Variants in TMEM132C observed in about 807,000 individuals in gnomAD.
TMEM132C encodes the protein protein phosphatase 1, regulatory subunit 152.
TMEM132C carries 29 observed loss-of-function variants against 61.4 expected under a neutral mutation model. The ratio of observed to expected loss-of-function variants is 0.47; its 90% CI spans 0.35 to 0.64. TMEM132C has a LOEUF of 0.64. Among genes scored for constraint, TMEM132C ranks in the 30% least tolerant of loss-of-function variants. The probability of loss-of-function intolerance (pLI) is 0.00; values close to 1 mark genes in which losing one functional copy is unlikely to be tolerated. For missense variants in TMEM132C, 1,408 were observed against 1,476.9 expected (o/e 0.95, Z 0.76); for synonymous variants, 656 against 633.1 (o/e 1.04, Z -0.54).
At chr12:128,517,225 C>T (rs1390022675) in intron 2 of TMEM132C, among the ~76,000 whole-genome samples, 5 of 138,044 alleles carry the variant, frequency 3.6e-5, no homozygotes, top group South Asian at 2.4e-4. Flanking sequence ...AGCAAGACTC[C>T]GTCTCAACAA....
intron 1 of TMEM132C, among the ~76,000 whole-genome samples, chr12:128,284,063 G>T (rs1870981046): frequency 6.6e-6 from 1 of 152,194 alleles, no homozygotes; most frequent in Non-Finnish European, 1.5e-5. Context: ...TCTACCTCAG[G>T]ATACCCATTT....
At chr12:128,701,433 A>G (rs1311327593) in intron 8 of TMEM132C, among the ~76,000 whole-genome samples, 1 of 152,172 alleles carries the variant, frequency 6.6e-6, no homozygotes, top group Non-Finnish European at 1.5e-5. Context: ...ACCTGCCTTC[A>G]CACACAGCAG....
intron 1 of TMEM132C, among the ~76,000 whole-genome samples, chr12:128,305,322 G>C (rs7132483): frequency 0.85 from 129,533 of 151,970 alleles, 55,736 homozygotes; most frequent in South Asian, 0.95. Flanking sequence ...GTCTGAAGAG[G>C]GAGAGTTTTA....
At chr12:128,355,142 C>A (rs1000398141) in intron 1 of TMEM132C, among the ~76,000 whole-genome samples, 2 of 152,150 alleles carry the variant, frequency 1.3e-5, no homozygotes, top group Non-Finnish European at 2.9e-5. Context: ...ACATTTTAAG[C>A]CCGCAGAAGC....
chr12:128,622,852 T>TA (rs1953981145), intron 4 of TMEM132C, among the ~76,000 whole-genome samples: 2 of 152,212 alleles, frequency 1.3e-5, no homozygotes, highest in Admixed American at 6.5e-5. Context: ...TCCACTTTCC[T>TA]ATTCCAACTT....
chr12:128,334,296 G>A (rs997532899), intron 1 of TMEM132C, among the ~76,000 whole-genome samples: 3 of 152,050 alleles, frequency 2.0e-5, no homozygotes, highest in Non-Finnish European at 2.9e-5. Context: ...TCCACAGACC[G>A]CCACCGCCCA....
At chr12:128,286,199 G>T (rs980227558) in intron 1 of TMEM132C, among the ~76,000 whole-genome samples, 1 of 152,048 alleles carries the variant, frequency 6.6e-6, no homozygotes, top group African/African-American at 2.4e-5. Context: ...GGGAAATGTG[G>T]CCTCTGAGAG....
At chr12:128,573,458 G>C (rs989231794) in intron 3 of TMEM132C, among the ~76,000 whole-genome samples, 8 of 152,028 alleles carry the variant, frequency 5.3e-5, no homozygotes, top group African/African-American at 1.7e-4. Flanking sequence ...GTCGTGGGGT[G>C]GGGGGAGTGG....
intron 4 of TMEM132C, among the ~76,000 whole-genome samples, chr12:128,629,738 C>T (rs370566243): frequency 7.2e-5 from 11 of 152,222 alleles, no homozygotes; most frequent in Admixed American, 2.0e-4. Context: ...GAGGCCAAGG[C>T]GGGTGGATCA....
rs371965107 is a variant in TMEM132C at position 128,677,921 on chromosome 12, G to A, written c.1449+8361G>A. Reference sequence around the variant, plus strand: ...ACCAAAGGTGCCTGCGTTAGCTCCGGCACATGGAGAGCAACCTTGCTCAGC... The same window carrying A: ...ACCAAAGGTGCCTGCGTTAGCTCCGACACATGGAGAGCAACCTTGCTCAGC... On this transcript the variant is annotated intron_variant, in intron 5 of 8. Transcript: ENST00000435159. 7.9e-5 allele frequency among the ~76,000 whole-genome samples: 12 copies of A among 152,222 alleles called. No homozygotes were observed. The East Asian group carries it at 1.5e-3, about 20-fold the overall frequency.
intron 1 of TMEM132C, among the ~76,000 whole-genome samples, chr12:128,386,732 CAG>C (rs1286890529): frequency 6.6e-6 from 1 of 152,094 alleles, no homozygotes; most frequent in African/African-American, 2.4e-5. Flanking sequence ...GACATTGAGG[CAG>C]AGAAAGGGGA....
At chr12:128,423,472 G>A (rs1194236961) in intron 2 of TMEM132C, among the ~76,000 whole-genome samples, 2 of 152,228 alleles carry the variant, frequency 1.3e-5, no homozygotes, top group East Asian at 3.8e-4. Context: ...AGCCTTTGAA[G>A]AAATGTGCAA....
intron 1 of TMEM132C, among the ~76,000 whole-genome samples, chr12:128,327,384 TTGTTTG>T (rs1302015669): frequency 6.7e-6 from 1 of 148,900 alleles, no homozygotes; most frequent in Admixed American, 6.6e-5. Flanking sequence ...GTTTGTTTGT[TTGTTTG>T]TTTGTTTTTT....
chr12:128,427,886 T>C (rs1261032080), intron 2 of TMEM132C, among the ~76,000 whole-genome samples: 1 of 152,250 alleles, frequency 6.6e-6, no homozygotes, highest in Non-Finnish European at 1.5e-5. Flanking sequence ...TGAAGGCTTC[T>C]TTCTGTTGAA....
In TMEM132C at chr12:128,468,354, G is replaced by A. The variant is rs534355523; in HGVS notation, c.974+52734G>A. On this transcript the variant is annotated intron_variant, in intron 2 of 8. Transcript: ENST00000435159. ...CTTTTTGAGACAGAGTTTTGCTCTT[G>A]TCACCCAGGCTGGAGTGCAATGGCA... Among the ~76,000 whole-genome samples, 10 of 151,672 alleles carry A rather than the reference G, an allele frequency of 6.6e-5. No homozygotes were observed. In the East Asian group the frequency reaches 1.2e-3, roughly 18 times the overall value.
chr12:128,535,999 TAG>T (rs1873512249), intron 2 of TMEM132C, among the ~76,000 whole-genome samples: 1 of 152,194 alleles, frequency 6.6e-6, no homozygotes, highest in African/African-American at 2.4e-5. Flanking sequence ...CTCAAGGATC[TAG>T]AGCTAGAATT....
chr12:128,522,219 C>T (rs918801579), intron 2 of TMEM132C, among the ~76,000 whole-genome samples: 6 of 152,296 alleles, frequency 3.9e-5, no homozygotes, highest in African/African-American at 7.2e-5. Flanking sequence ...CAATTAGCCG[C>T]GCACACATCA....
At position 128,414,830 on chromosome 12, in the gene TMEM132C, T is replaced by G; in HGVS notation, c.184T>G (p.Phe62Val). 1.9e-6 allele frequency: 3 copies of G among 1,547,264 alleles called. No homozygotes were observed. The highest frequency in any genetic ancestry group is 1.2e-5 in the South Asian group (1 of 84,060). The change falls in exon 2 of 9, where the codon TTC (phenylalanine) becomes GTC (valine). Residue 62 changes from phenylalanine (F) to valine (V), a missense_variant. Phe to Val is a conservative substitution (Grantham distance 50). Coordinates refer to ENST00000435159, the MANE Select transcript of TMEM132C (RefSeq NM_001136103.3). ...SYHILRAETS[F>V]FLKEANQDLL... ...CCACATCCTCAGAGCAGAGACCTCC[T>G]TCTTCCTCAAGGAAGCCAACCAGGA...
chr12:128,603,623 T>C (rs1228728501), intron 3 of TMEM132C, among the ~76,000 whole-genome samples: 1 of 152,136 alleles, frequency 6.6e-6, no homozygotes, highest in African/African-American at 2.4e-5. Context: ...TTACTTTATA[T>C]ATTTACTTTT....
Sources: allele counts gnomAD v4.1 joint callset (sites outside exome capture counted in the v4.1 genomes callset), GRCh38; gene constraint gnomAD v4.1.1; transcripts MANE v1.5; gene names NCBI Gene and HGNC (gene_info 2026-07-23, HGNC 2026-07-21).